BLK: variants seen among roughly 807,000 people sequenced by gnomAD.
BLK encodes the protein tyrosine-protein kinase Blk.
A neutral mutation model predicts 61.8 loss-of-function variants in BLK; 64 were observed. That is an observed-to-expected ratio of 1.03 (90% CI 0.85 to 1.27). The LOEUF is 1.27. Ranked by LOEUF, BLK falls within the 50% of genes most tolerant of loss-of-function variation. The probability of loss-of-function intolerance (pLI) is 0.00; values close to 1 mark genes in which losing one functional copy is unlikely to be tolerated. For missense variants in BLK, 853 were observed against 660.5 expected (o/e 1.29, Z -3.19); for synonymous variants, 351 against 272.0 (o/e 1.29, Z -2.86).
chr8:11,550,231 C>T lies in BLK; in HGVS notation c.441C>T (p.Ser147=). ...QLLAPINKAG[S]FLIRESETNK... ...TTGCTCCAATCAACAAGGCCGGCTCCTTTCTTATCAGAGAGAGTGAAACCA... is the reference window on the plus strand; with the variant it reads ...TTGCTCCAATCAACAAGGCCGGCTCTTTTCTTATCAGAGAGAGTGAAACCA... Residue 147 remains serine, a synonymous_variant, in exon 6 of 13, where the codon TCC becomes TCT. Transcript: ENST00000259089. 1 of 1,614,088 alleles carries T rather than the reference C, an allele frequency of 6.2e-7. No individual in the cohort carries two copies. Among genetic ancestry groups the T allele is most frequent in the Non-Finnish European group, 8.5e-7 (1 of 1,180,024 alleles).
intron 10 of BLK, 23 bp from the exon 11 acceptor site, chr8:11,561,276 CCTT>C: frequency 6.2e-7 from 1 of 1,608,982 alleles, no homozygotes; most frequent in East Asian, 2.2e-5. Flanking sequence ...CCCAGGCTGT[CCTT>C]CACCATGTGC....
At chr8:11,500,979 T>A (rs1380072416) in intron 1 of BLK, among the ~76,000 whole-genome samples, 1 of 151,674 alleles carries the variant, frequency 6.6e-6, no homozygotes, top group Non-Finnish European at 1.5e-5. Flanking sequence ...GAGGCCAAGG[T>A]GGGAGGATTG....
chr8:11,532,702 C>T (rs1054397119), intron 1 of BLK, among the ~76,000 whole-genome samples: 5 of 152,170 alleles, frequency 3.3e-5, no homozygotes, highest in African/African-American at 1.2e-4. Flanking sequence ...GCAATTTCTG[C>T]TCATGTTCCT....
At chr8:11,517,972 G>T (rs775414541) in intron 1 of BLK, among the ~76,000 whole-genome samples, 1 of 152,224 alleles carries the variant, frequency 6.6e-6, no homozygotes, top group Non-Finnish European at 1.5e-5. Context: ...GCTTCTAGAG[G>T]CATCATCAGA....
At chr8:11,534,637 G>C (rs1032549430) in intron 1 of BLK, among the ~76,000 whole-genome samples, 5 of 152,146 alleles carry the variant, frequency 3.3e-5, no homozygotes, top group African/African-American at 9.7e-5. Context: ...TACCACAATG[G>C]GGGGAGGTGA....
chr8:11,511,403 C>G (rs1397811009), intron 1 of BLK, among the ~76,000 whole-genome samples: 1 of 151,294 alleles, frequency 6.6e-6, no homozygotes, highest in African/African-American at 2.4e-5. Context: ...TGTAACAAAC[C>G]TGTATGTTGT....
intron 4 of BLK, 117 bp downstream of exon 4, chr8:11,548,242 CCCCCAGCCCTGG>C: frequency 5.8e-6 from 5 of 856,760 alleles, no homozygotes; most frequent in East Asian, 2.6e-5. Flanking sequence ...CATCGCCCTG[CCCCCAGCCCTGG>C]CCCCAGCATT....
Position 11,513,403 on chromosome 8 carries a change from C to G in BLK, c.-2+18812C>G, listed in dbSNP as rs1799099788. 2.0e-5 allele frequency among the ~76,000 whole-genome samples: 3 copies of G among 152,186 alleles called. No homozygotes were observed. The South Asian group carries it at 6.2e-4, about 32-fold the overall frequency. ...AACCAGAGCATCATTCCTGATGGAGCCCTGTGTTACCCCCAGGCTCCTTTA... is the reference window on the plus strand; with the variant it reads ...AACCAGAGCATCATTCCTGATGGAGGCCTGTGTTACCCCCAGGCTCCTTTA... On this transcript the variant is annotated intron_variant, in intron 1 of 12. Coordinates refer to ENST00000259089, the MANE Select transcript of BLK (RefSeq NM_001715.3).
At chr8:11,523,611 T>C (rs1361148092) in intron 1 of BLK, among the ~76,000 whole-genome samples, 3 of 152,186 alleles carry the variant, frequency 2.0e-5, no homozygotes, top group Non-Finnish European at 2.9e-5. Flanking sequence ...GAAAAATATT[T>C]ACATTTATGA....
chr8:11,521,280 T>C (rs1418780790), intron 1 of BLK, among the ~76,000 whole-genome samples: 1 of 152,220 alleles, frequency 6.6e-6, no homozygotes, highest in Admixed American at 6.5e-5. Context: ...ATTTTCACCT[T>C]TGATTTACAA....
intron 8 of BLK, 174 bp from the exon 9 acceptor site, chr8:11,556,484 G>A: frequency 1.3e-6 from 1 of 752,794 alleles, no homozygotes; most frequent in South Asian, 1.6e-5. Flanking sequence ...CCATATAGAA[G>A]GGACCTGGAA....
intron 5 of BLK, among the ~76,000 whole-genome samples, chr8:11,549,596 C>G (rs1220504678): frequency 1.3e-5 from 2 of 152,202 alleles, no homozygotes; most frequent in African/African-American, 4.8e-5. Flanking sequence ...TCGGACTCGG[C>G]CAGCCAGAGC....
intron 1 of BLK, among the ~76,000 whole-genome samples, chr8:11,519,204 C>G (rs552343431): frequency 6.6e-6 from 1 of 152,280 alleles, no homozygotes; most frequent in African/African-American, 2.4e-5. Flanking sequence ...TAATGGATTC[C>G]TCAAAGGAAG....
chr8:11,543,832 C>G (rs1800499706), intron 2 of BLK, among the ~76,000 whole-genome samples: 1 of 151,886 alleles, frequency 6.6e-6, no homozygotes, highest in Non-Finnish European at 1.5e-5. Context: ...GGAAAACTTT[C>G]CAAAGGAAAA....
At chr8:11,506,008 A>G (rs1798758027) in intron 1 of BLK, among the ~76,000 whole-genome samples, 1 of 152,198 alleles carries the variant, frequency 6.6e-6, no homozygotes, top group African/African-American at 2.4e-5. Flanking sequence ...CCCGCCAGGC[A>G]TGACAAATCT....
At chr8:11,556,173 C>T (rs182039420) in intron 8 of BLK, 2 of 230,800 alleles carry the variant, frequency 8.7e-6, no homozygotes, top group East Asian at 2.1e-4. Flanking sequence ...CTTCAGGGGA[C>T]TTCATGGAGT....
chr8:11,546,475 C>T (rs547798629), intron 3 of BLK, among the ~76,000 whole-genome samples: 5 of 152,290 alleles, frequency 3.3e-5, no homozygotes, highest in South Asian at 2.1e-4. Context: ...AGCCCCTGTC[C>T]GCTCTATGTG....
intron 3 of BLK, 67 bp downstream of exon 3, chr8:11,546,170 T>C (rs900563995): frequency 9.5e-6 from 15 of 1,580,540 alleles, no homozygotes; most frequent in Middle Eastern, 1.7e-4. Flanking sequence ...CTTTGTGGAG[T>C]TGGAAAAAGG....
At chr8:11,507,545 G>C (rs1414652072) in intron 1 of BLK, among the ~76,000 whole-genome samples, 1 of 152,236 alleles carries the variant, frequency 6.6e-6, no homozygotes, top group Non-Finnish European at 1.5e-5. Flanking sequence ...ACTTTGAAGA[G>C]ACAGGAGCTT....
Sources: gnomAD v4.1 joint callset for allele counts (sites outside exome capture counted in the v4.1 genomes callset) on GRCh38, gnomAD v4.1.1 for gene constraint, MANE v1.5 for transcripts, NCBI Gene and HGNC (gene_info 2026-07-23, HGNC 2026-07-21) for gene names.